Variants in PKIB observed in about 807,000 individuals in gnomAD.
The protein encoded by PKIB is PKI-beta.
A neutral mutation model predicts 4.5 loss-of-function variants in PKIB; 2 were observed. That is an observed-to-expected ratio of 0.44 (90% CI 0.18 to 1.39). The LOEUF is 1.39. PKIB is among the 40% of genes most tolerant of loss of function. PKIB has a pLI of 0.27. For synonymous variants in PKIB, 38 were observed against 36.0 expected (o/e 1.06, Z -0.20); for missense variants, 94 against 92.6 (o/e 1.02, Z -0.06).
intron 2 of PKIB, chr6:122,481,551 TATA>T (rs1170234015): frequency 6.6e-6 from 1 of 152,226 alleles, no homozygotes; most frequent in Non-Finnish European, 1.5e-5. Flanking sequence ...TTTTGATTGT[TATA>T]ATGTGGTTAT....
chr6:122,694,251 G>A (rs924452568), intron 3 of PKIB, among the ~76,000 whole-genome samples: 3 of 142,032 alleles, frequency 2.1e-5, no homozygotes, highest in Non-Finnish European at 4.8e-5. Flanking sequence ...TGCTTGTAAT[G>A]CATATGATGT....
chr6:122,609,225 G>A (rs1774649386), upstream of PKIB, among the ~76,000 whole-genome samples: 1 of 152,168 alleles, frequency 6.6e-6, no homozygotes, highest in South Asian at 2.1e-4. Context: ...AGCTTTATTA[G>A]CAGAGTATAA....
intron 3 of PKIB, among the ~76,000 whole-genome samples, chr6:122,705,278 A>G (rs539468932): frequency 9.2e-5 from 14 of 152,272 alleles, no homozygotes; most frequent in African/African-American, 2.9e-4. Context: ...ATGGACAATA[A>G]GAGTGTATTT....
chr6:122,614,535 G>T (rs998490969), intron 1 of PKIB, among the ~76,000 whole-genome samples: 3 of 151,904 alleles, frequency 2.0e-5, no homozygotes, highest in Admixed American at 6.6e-5. Context: ...CCATGGGGGT[G>T]TGGGAGTAAG....
chr6:122,641,921 G>A (rs570127591), intron 2 of PKIB, among the ~76,000 whole-genome samples: 4 of 152,230 alleles, frequency 2.6e-5, no homozygotes, highest in Admixed American at 2.0e-4. Context: ...TCAAACTACA[G>A]ACCTCAGATG....
chr6:122,576,528 C>T (rs1419687922), intron 2 of PKIB, among the ~76,000 whole-genome samples: 1 of 150,996 alleles, frequency 6.6e-6, no homozygotes, highest in Non-Finnish European at 1.5e-5. Flanking sequence ...ATTAGCCGGG[C>T]GTGGTGGCAG....
intron 4 of PKIB, among the ~76,000 whole-genome samples, chr6:122,723,464 C>A (rs1227656263): frequency 6.6e-6 from 1 of 152,032 alleles, no homozygotes; most frequent in Non-Finnish European, 1.5e-5. Flanking sequence ...TCATCCTTTT[C>A]TCCCCTCTTT....
At chr6:122,610,214 C>T (rs887874125), upstream of PKIB, 10 of 152,254 alleles carry the variant, frequency 6.6e-5, no homozygotes, top group Non-Finnish European at 1.5e-4. Context: ...TAAAAGAGCT[C>T]GCCCCAGGCT....
intron 1 of PKIB, among the ~76,000 whole-genome samples, chr6:122,473,746 A>G (rs1005066568): frequency 1.3e-5 from 2 of 152,224 alleles, no homozygotes; most frequent in Non-Finnish European, 2.9e-5. Flanking sequence ...AGCTATTAGT[A>G]GGAGCACCCA....
At chr6:122,678,187 A>G (rs986274089) in intron 3 of PKIB, among the ~76,000 whole-genome samples, 1 of 152,070 alleles carries the variant, frequency 6.6e-6, no homozygotes, top group Admixed American at 6.5e-5. Context: ...CATGAGCAAA[A>G]CCAGCTTTTC....
intron 2 of PKIB, among the ~76,000 whole-genome samples, chr6:122,577,871 T>C (rs1253361113): frequency 1.4e-5 from 2 of 146,604 alleles, no homozygotes; most frequent in East Asian, 4.0e-4. Flanking sequence ...ATCACGCCAC[T>C]GCACTCCAGT....
intron 1 of PKIB, among the ~76,000 whole-genome samples, chr6:122,621,369 G>A (rs934430067): frequency 6.6e-6 from 1 of 152,148 alleles, no homozygotes; most frequent in Non-Finnish European, 1.5e-5. Flanking sequence ...AGGAGATCAG[G>A]TTGAACTGAA....
At chr6:122,649,909 G>A (rs1388607058) in intron 2 of PKIB, among the ~76,000 whole-genome samples, 4 of 152,174 alleles carry the variant, frequency 2.6e-5, no homozygotes, top group African/African-American at 9.7e-5. Context: ...GGCACTTCAA[G>A]CACCATCACC....
At chr6:122,472,983 G>A (rs1775347762) in intron 1 of PKIB, among the ~76,000 whole-genome samples, 1 of 152,018 alleles carries the variant, frequency 6.6e-6, no homozygotes, top group African/African-American at 2.4e-5. Flanking sequence ...ATGGTGGCAC[G>A]CGCATGTAAT....
chr6:122,512,779 A>G (rs1341285647), intron 2 of PKIB, among the ~76,000 whole-genome samples: 2 of 152,244 alleles, frequency 1.3e-5, no homozygotes, highest in Non-Finnish European at 2.9e-5. Flanking sequence ...CAAGACAGCT[A>G]TGTGTTTAAA....
At chr6:122,631,986 C>T (rs138260286) in intron 1 of PKIB, among the ~76,000 whole-genome samples, 3 of 152,074 alleles carry the variant, frequency 2.0e-5, no homozygotes, top group Non-Finnish European at 1.5e-5. Context: ...AGTTACTGTC[C>T]CAGTGTGAAA....
chr6:122,632,241 C>G (rs1775733080), intron 1 of PKIB, among the ~76,000 whole-genome samples: 1 of 152,100 alleles, frequency 6.6e-6, no homozygotes, highest in Non-Finnish European at 1.5e-5. Context: ...CAACGTTGAT[C>G]CTTGAATGCA....
intron 3 of PKIB, among the ~76,000 whole-genome samples, chr6:122,709,942 A>G (rs1302194863): frequency 1.3e-5 from 2 of 151,666 alleles, no homozygotes; most frequent in East Asian, 3.9e-4. Flanking sequence ...CTACAGCCTG[A>G]CTCCTATCTA....
rs1269931507 is a variant in PKIB at position 122,702,207 on chromosome 6, A to ATTGCCGGAT, written c.-8-15579_-8-15578insTGCCGGATT. On this transcript the variant is annotated intron_variant, in intron 3 of 4. Coordinates refer to ENST00000368452, the MANE Select transcript of PKIB (RefSeq NM_181795.3). ...AGTCTATGTAATCCGAACAAAAGTC[A>ATTGCCGGAT]TGCTGAGAATATAAGGCTACCAATC... 1.7e-3 allele frequency among the ~76,000 whole-genome samples: 252 copies of ATTGCCGGAT among 152,224 alleles called. 2 individuals carry two copies. Among genetic ancestry groups the ATTGCCGGAT allele is most frequent in the African/African-American group, 5.8e-3 (240 of 41,550 alleles).
Sources: allele counts gnomAD v4.1 joint callset (sites outside exome capture counted in the v4.1 genomes callset), GRCh38; gene constraint gnomAD v4.1.1; transcripts MANE v1.5; gene names NCBI Gene and HGNC (gene_info 2026-07-23, HGNC 2026-07-21).